Variants in CDH4 observed in about 807,000 individuals in gnomAD.
The protein encoded by CDH4 is cadherin 4.
In CDH4, 33 loss-of-function variants were observed where a neutral mutation model predicts 86.0. That is an observed-to-expected ratio of 0.38 (90% confidence interval 0.29 to 0.51). CDH4 has a LOEUF of 0.51. Ranked by LOEUF, CDH4 falls within the 20% of genes least tolerant of loss-of-function variation. CDH4 has a pLI of 0.86. For missense variants in CDH4, 1,114 were observed against 1,307.4 expected (o/e 0.85, Z 2.28); for synonymous variants, 555 against 549.4 (o/e 1.01, Z -0.14).
intron 2 of CDH4, among the ~76,000 whole-genome samples, chr20:61,360,296 A>G (rs1360255629): frequency 6.6e-6 from 1 of 152,208 alleles, no homozygotes; most frequent in Non-Finnish European, 1.5e-5. Context: ...GAAGGATACC[A>G]GGTGAGACGT....
chr20:61,545,648 A>T (rs2086072764), intron 2 of CDH4, among the ~76,000 whole-genome samples: 1 of 152,160 alleles, frequency 6.6e-6, no homozygotes, highest in Non-Finnish European at 1.5e-5. Flanking sequence ...CTGCTGGCAG[A>T]GCCGTCAAGA....
At chr20:61,662,445 G>A (rs111348617) in intron 2 of CDH4, among the ~76,000 whole-genome samples, 2 of 152,246 alleles carry the variant, frequency 1.3e-5, no homozygotes, top group Admixed American at 6.5e-5. Context: ...TCACCATTCC[G>A]AGCTTGGGAG....
rs1345259086 is a variant in CDH4 at position 61,623,251 on chromosome 20, C to A, written c.170-120312C>A. The stretch of plus-strand genomic sequence containing the variant: ...ACGCTGCACCCCACTCACCACACTG[C>A]GGCGCCTGCTTTTTCCTTGAGCATC... On this transcript the variant is annotated intron_variant, in intron 2 of 15. Transcript: ENST00000614565. This position sits in a 1 kb window ranked among gnomAD's most constrained non-coding sequence, Gnocchi z 4.4. Among the ~76,000 whole-genome samples, 1 of 152,136 alleles carries A rather than the reference C, an allele frequency of 6.6e-6. No individual in the cohort carries two copies. Among genetic ancestry groups the A allele is most frequent in the Non-Finnish European group, 1.5e-5 (1 of 68,028 alleles).
intron 4 of CDH4, among the ~76,000 whole-genome samples, chr20:61,775,021 G>A (rs904408264): frequency 6.6e-6 from 1 of 152,168 alleles, no homozygotes; most frequent in African/African-American, 2.4e-5. Flanking sequence ...AATGACTTCT[G>A]TTCCTTTGGG....
At chr20:61,323,697 GT>G (rs1261459536) in intron 2 of CDH4, among the ~76,000 whole-genome samples, 1 of 152,154 alleles carries the variant, frequency 6.6e-6, no homozygotes, top group African/African-American at 2.4e-5. Context: ...GGGTTTCTAG[GT>G]TGGGGCCACA....
intron 5 of CDH4, among the ~76,000 whole-genome samples, 167 bp from the exon 6 acceptor site, chr20:61,852,587 A>T (rs962745975): frequency 6.6e-6 from 1 of 152,050 alleles, no homozygotes; most frequent in Non-Finnish European, 1.5e-5. Flanking sequence ...TGCAGAGGAG[A>T]GAGCTGAGGC....
chr20:61,686,496 CGT>C (rs538246788), intron 2 of CDH4, among the ~76,000 whole-genome samples: 51 of 140,904 alleles, frequency 3.6e-4, no homozygotes, highest in African/African-American at 8.3e-4. Flanking sequence ...TGTGCATTCG[CGT>C]GTGTGTATAT....
At chr20:61,444,052 C>CTGTG (rs779477337) in intron 2 of CDH4, among the ~76,000 whole-genome samples, 9,179 of 41,486 alleles carry the variant, frequency 0.22, 772 homozygotes, top group African/African-American at 0.43. Context: ...GTGGATATCT[C>CTGTG]TGGTTGTCTG....
chr20:61,346,422 A>G (rs1266856472), intron 2 of CDH4, among the ~76,000 whole-genome samples: 1 of 152,166 alleles, frequency 6.6e-6, no homozygotes, highest in Non-Finnish European at 1.5e-5. Context: ...CTGAGCAGGA[A>G]CGTGCTGTTG....
chr20:61,331,630 GCCCCAGACCCA>G (rs2084576460), intron 2 of CDH4, among the ~76,000 whole-genome samples: 2 of 96,912 alleles, frequency 2.1e-5, no homozygotes, highest in African/African-American at 3.5e-5. Context: ...CCCACCTCCT[GCCCCAGACCCA>G]CCTCCCGCCC....
intron 7 of CDH4, among the ~76,000 whole-genome samples, chr20:61,876,646 C>T (rs1324776636): frequency 6.6e-6 from 1 of 152,058 alleles, no homozygotes; most frequent in Admixed American, 6.6e-5. Context: ...TAATGATAAG[C>T]TGGGGATCTA....
chr20:61,918,859 A>G (rs926416535), intron 9 of CDH4, among the ~76,000 whole-genome samples: 11 of 152,074 alleles, frequency 7.2e-5, no homozygotes, highest in Non-Finnish European at 1.6e-4. Flanking sequence ...ATGCCCATCC[A>G]ATACTATTAT....
intron 2 of CDH4, among the ~76,000 whole-genome samples, chr20:61,637,106 T>G (rs2086955492): frequency 6.6e-6 from 1 of 152,238 alleles, no homozygotes; most frequent in African/African-American, 2.4e-5. Flanking sequence ...CTTTTGTTTG[T>G]TTTTCTTCAA....
At chr20:61,588,240 G>T (rs752622427) in intron 2 of CDH4, among the ~76,000 whole-genome samples, 1 of 152,190 alleles carries the variant, frequency 6.6e-6, no homozygotes, top group Admixed American at 6.5e-5. Flanking sequence ...GAAAACTCCA[G>T]ATTTTTAAAT....
intron 7 of CDH4, among the ~76,000 whole-genome samples, chr20:61,878,071 C>T (rs764141062): frequency 1.3e-5 from 2 of 152,016 alleles, no homozygotes; most frequent in Non-Finnish European, 2.9e-5. Context: ...CCCTGGCCTG[C>T]GTGAGTGGCC....
At chr20:61,558,048 T>A (rs2086190483) in intron 2 of CDH4, among the ~76,000 whole-genome samples, 1 of 152,144 alleles carries the variant, frequency 6.6e-6, no homozygotes, top group African/African-American at 2.4e-5. Flanking sequence ...AAGCTCGAGT[T>A]TTGGTGGACT....
chr20:61,674,328 G>A (rs780886849), intron 2 of CDH4, among the ~76,000 whole-genome samples: 5 of 152,320 alleles, frequency 3.3e-5, no homozygotes, highest in South Asian at 2.1e-4. Context: ...ATGTTGTGTC[G>A]TGCTGGTCAC....
chr20:61,561,363 C>T (rs573986177), intron 2 of CDH4, among the ~76,000 whole-genome samples: 1 of 152,362 alleles, frequency 6.6e-6, no homozygotes, highest in South Asian at 2.1e-4. Context: ...CCCCGTTTTG[C>T]AGATGAAATG....
intron 5 of CDH4, among the ~76,000 whole-genome samples, chr20:61,850,747 ACCGT>A: frequency 6.6e-6 from 1 of 152,316 alleles, no homozygotes; most frequent in South Asian, 2.1e-4. Context: ...TGTTTCCTCC[ACCGT>A]CATGGTGAGG....
Sources: allele counts gnomAD v4.1 joint callset (sites outside exome capture counted in the v4.1 genomes callset), GRCh38; gene constraint gnomAD v4.1.1; non-coding constraint Gnocchi (gnomAD v3.1); transcripts MANE v1.5; gene names NCBI Gene and HGNC (gene_info 2026-07-23, HGNC 2026-07-21).